TMEM178A: variants seen among roughly 807,000 people sequenced by gnomAD.
TMEM178A encodes transmembrane protein 178A.
A neutral mutation model predicts 29.1 loss-of-function variants in TMEM178A; 12 were observed. That is an observed-to-expected ratio of 0.41 (90% CI 0.26 to 0.67). The LOEUF is 0.67. TMEM178A is among the 30% of genes least tolerant of loss of function. The probability of loss-of-function intolerance (pLI) is 0.29; values close to 1 mark genes in which losing one functional copy is unlikely to be tolerated. For missense variants in TMEM178A, 366 were observed against 419.1 expected, an observed-to-expected ratio of 0.87 and a Z score of 1.11; for synonymous variants, 210 against 187.2, an observed-to-expected ratio of 1.12 and a Z score of -0.99.
Position 39,707,761 on chromosome 2 carries a change from C to A in TMEM178A, c.652+575C>A, listed in dbSNP as rs369337587. 2.2e-4 allele frequency among the ~76,000 whole-genome samples: 33 copies of A among 152,322 alleles called. No individual in the cohort carries two copies. In the East Asian group the frequency reaches 2.9e-3, roughly 13 times the overall value. On this transcript the variant is annotated intron_variant, in intron 3 of 3. Transcript: ENST00000281961. ...GATTACAGGCAAGAGCCACCACACC[C>A]CACCTTCTGTTCCTTCTTTCATACT...
chr2:39,705,406 A>G (rs1388499825), intron 2 of TMEM178A, among the ~76,000 whole-genome samples: 1 of 152,180 alleles, frequency 6.6e-6, no homozygotes. Context: ...ATAGACTATC[A>G]CTCAAACCAT....
intron 1 of TMEM178A, among the ~76,000 whole-genome samples, chr2:39,696,497 C>T (rs1392836331): frequency 1.3e-5 from 2 of 152,172 alleles, no homozygotes; most frequent in Non-Finnish European, 2.9e-5. Flanking sequence ...CTCACCATAA[C>T]TCAGTGAGGT....
chr2:39,720,669 A>T (rs149679348), downstream of TMEM178A, among the ~76,000 whole-genome samples: 4,082 of 152,320 alleles, frequency 0.027, 77 homozygotes, highest in South Asian at 0.039. Context: ...TGCTCAGCCC[A>T]CCCAGTGCCT....
intron 1 of TMEM178A, among the ~76,000 whole-genome samples, chr2:39,691,775 A>G (rs6707177): frequency 0.56 from 84,274 of 151,316 alleles, 25,316 homozygotes; most frequent in East Asian, 0.85. Context: ...GAATAGATAA[A>G]GGAAAATTTT....
intron 1 of TMEM178A, among the ~76,000 whole-genome samples, chr2:39,696,942 C>T (rs370696265): frequency 2.0e-5 from 3 of 152,140 alleles, no homozygotes; most frequent in Admixed American, 1.3e-4. Flanking sequence ...TTCTTCCCCC[C>T]ATTGTGTGAT....
chr2:39,668,553 C>G (rs1670276965), intron 1 of TMEM178A, among the ~76,000 whole-genome samples: 1 of 152,114 alleles, frequency 6.6e-6, no homozygotes, highest in South Asian at 2.1e-4. Flanking sequence ...GATGACTATT[C>G]TTTAGAGAAA....
intron 1 of TMEM178A, among the ~76,000 whole-genome samples, chr2:39,671,496 C>T (rs1670406504): frequency 6.6e-6 from 1 of 152,168 alleles, no homozygotes; most frequent in South Asian, 2.1e-4. Context: ...AAAGATGCTG[C>T]TGGTAAAAGG....
Position 39,710,926 on chromosome 2 carries a change from T to C in TMEM178A, c.652+3740T>C, listed in dbSNP as rs181492262. Among the ~76,000 whole-genome samples, 33 of 152,386 alleles carry C rather than the reference T, an allele frequency of 2.2e-4. No individual in the cohort carries two copies. The East Asian group carries it at 2.7e-3, about 12-fold the overall frequency. ...AAACGATATTTCTCCTTCTGCCTTA[T>C]TGATTGCACACAGACAGGTCTTGAT... On this transcript the variant is annotated intron_variant, in intron 3 of 3. Coordinates refer to ENST00000281961, the MANE Select transcript of TMEM178A (RefSeq NM_152390.3).
At chr2:39,694,682 G>T (rs2148084601) in intron 1 of TMEM178A, among the ~76,000 whole-genome samples, 1 of 152,266 alleles carries the variant, frequency 6.6e-6, no homozygotes, top group African/African-American at 2.4e-5. Flanking sequence ...TTTAGATTTT[G>T]AAGACTTAGT....
chr2:39,666,550 C>T lies in TMEM178A; in HGVS notation c.400+176C>T, dbSNP rs1227423755. Reference sequence around the variant, plus strand: ...TCTCTTCCCTTTCTTTCCCCACTGCCTCCCTTCTTCTCCCTCTCCTTGACT... The same window carrying T: ...TCTCTTCCCTTTCTTTCCCCACTGCTTCCCTTCTTCTCCCTCTCCTTGACT... On this transcript the variant is annotated intron_variant, in intron 1 of 3. Transcript: ENST00000281961. 3.3e-5 allele frequency among the ~76,000 whole-genome samples: 5 copies of T among 152,114 alleles called. No homozygotes were observed. In the East Asian group the frequency reaches 9.7e-4, roughly 30 times the overall value.
chr2:39,693,804 G>A (rs1023590220), intron 1 of TMEM178A, among the ~76,000 whole-genome samples: 2 of 152,010 alleles, frequency 1.3e-5, no homozygotes, highest in African/African-American at 4.8e-5. Context: ...TTTAAAATAC[G>A]ATATTACTTT....
chr2:39,716,158 C>A (rs1672524601), intron 3 of TMEM178A, among the ~76,000 whole-genome samples: 1 of 152,226 alleles, frequency 6.6e-6, no homozygotes, highest in African/African-American at 2.4e-5. Context: ...TTATTACTCA[C>A]CACACTCTGA....
intron 3 of TMEM178A, among the ~76,000 whole-genome samples, chr2:39,709,363 G>T (rs1672203426): frequency 6.6e-6 from 1 of 152,246 alleles, no homozygotes; most frequent in Non-Finnish European, 1.5e-5. Context: ...GAAGTCACAT[G>T]GATGCTGCCT....
intron 3 of TMEM178A, among the ~76,000 whole-genome samples, chr2:39,707,658 G>C (rs1157080308): frequency 6.6e-6 from 1 of 152,050 alleles, no homozygotes; most frequent in Admixed American, 6.5e-5. Context: ...TTTTAGTAGG[G>C]TTTCACCATG....
chr2:39,709,561 A>C lies in TMEM178A; in HGVS notation c.652+2375A>C, dbSNP rs1417746243. On this transcript the variant is annotated intron_variant, in intron 3 of 3. Coordinates refer to ENST00000281961, the MANE Select transcript of TMEM178A (RefSeq NM_152390.3). ...TAAAATCCAAATTATAGACTAAAGC[A>C]GACGCGGGCAGCAAAGAACCAGAGA... Among the ~76,000 whole-genome samples, 4 of 152,222 alleles carry C rather than the reference A, an allele frequency of 2.6e-5. 1 individual carries two copies. Among genetic ancestry groups the C allele is most frequent in the Non-Finnish European group, 5.9e-5 (4 of 68,048 alleles).
At chr2:39,684,685 T>C (rs983893393) in intron 1 of TMEM178A, among the ~76,000 whole-genome samples, 6 of 152,212 alleles carry the variant, frequency 3.9e-5, no homozygotes, top group Non-Finnish European at 7.3e-5. Flanking sequence ...GGATGGAGTC[T>C]TGTTGCGTGG....
At position 39,666,219 on chromosome 2, in the gene TMEM178A, C is replaced by G. The variant is rs1321998178; in HGVS notation, c.245C>G (p.Pro82Arg). 7.4e-7 allele frequency: 1 copy of G among 1,348,278 alleles called. No homozygotes were observed. Among genetic ancestry groups the G allele is most frequent in the Non-Finnish European group, 9.4e-7 (1 of 1,058,788 alleles). The allele number at this position is 1,348,278 out of a possible 1,614,324, so 83.5% of individuals were successfully genotyped here. A position where few individuals can be genotyped will look rare whatever the true frequency, so the allele number is the denominator to read the frequency against. The change falls in exon 1 of 4, where the codon CCG becomes CGG. Residue 82 changes from proline (P) to arginine (R), a missense_variant. Physicochemically the swap from Pro to Arg is moderately radical, Grantham distance 103. Around this residue, in one of 2 missense-constraint regions of TMEM178A, gnomAD observed 247 missense variants for 246.8 expected, o/e 1.00. Transcript: ENST00000281961. Reference sequence around the variant, plus strand: ...GGGCGCCGGCTGCTCCCGGGCGGCCCGGGGCGCGCCGACCCCGAGTCCTGG... The same window carrying G: ...GGGCGCCGGCTGCTCCCGGGCGGCCGGGGGCGCGCCGACCCCGAGTCCTGG... ...PLGRRLLPGG[P>R]GRADPESWRS...
intron 3 of TMEM178A, among the ~76,000 whole-genome samples, chr2:39,711,436 T>G (rs1179239669): frequency 6.6e-6 from 1 of 152,230 alleles, no homozygotes; most frequent in East Asian, 1.9e-4. Context: ...AGCTTGGGCC[T>G]CCCTTGGTGG....
chr2:39,700,884 C>T (rs540625689), intron 1 of TMEM178A, among the ~76,000 whole-genome samples: 1 of 151,506 alleles, frequency 6.6e-6, no homozygotes, highest in South Asian at 2.1e-4. Flanking sequence ...TTACAAGTAA[C>T]ATCTTAACAA....
Sources: allele counts gnomAD v4.1 joint callset (sites outside exome capture counted in the v4.1 genomes callset), GRCh38; gene constraint gnomAD v4.1.1; regional missense constraint gnomAD v4.1.1; transcripts MANE v1.5; gene names NCBI Gene and HGNC (gene_info 2026-07-23, HGNC 2026-07-21).